ERBB4: variants seen among roughly 807,000 people sequenced by gnomAD.
ERBB4 encodes the protein erb-b2 receptor tyrosine kinase 4, also known as receptor tyrosine-protein kinase erbB-4.
ERBB4 carries 42 observed loss-of-function variants against 158.0 expected under a neutral mutation model. The observed-to-expected ratio is 0.27, with a 90% CI of 0.21 to 0.34. The LOEUF (loss-of-function observed/expected upper bound fraction) is 0.34. Ranked by LOEUF, ERBB4 falls within the 10% of genes least tolerant of loss-of-function variation. ERBB4 has a pLI of 1.00. For synonymous variants in ERBB4, 583 were observed against 558.7 expected, an observed-to-expected ratio of 1.04 and a Z score of -0.61; for missense variants, 1,333 against 1,624.1, an observed-to-expected ratio of 0.82 and a Z score of 3.08.
chr2:212,440,023 G>A (rs1052009506), intron 1 of ERBB4, among the ~76,000 whole-genome samples: 1 of 152,144 alleles, frequency 6.6e-6, no homozygotes, highest in African/African-American at 2.4e-5. Context: ...AAATCTGAAA[G>A]TTCAAAGGAG....
chr2:211,870,449 C>T (rs996534080), intron 3 of ERBB4, among the ~76,000 whole-genome samples: 1 of 151,924 alleles, frequency 6.6e-6, no homozygotes, highest in African/African-American at 2.4e-5. Context: ...TTGTTATGTC[C>T]TATTATTTTG....
At chr2:211,729,948 G>A (rs7426163) in intron 5 of ERBB4, among the ~76,000 whole-genome samples, 4 of 151,774 alleles carry the variant, frequency 2.6e-5, no homozygotes, top group African/African-American at 7.2e-5. Context: ...AAACTGGGAC[G>A]TTAAACTTCT....
intron 25 of ERBB4, among the ~76,000 whole-genome samples, chr2:211,413,311 C>CAAAAAAA (rs1553524050): frequency 1.6e-5 from 1 of 63,700 alleles, no homozygotes; most frequent in African/African-American, 5.3e-5. Context: ...GTCTTAAAAA[C>CAAAAAAA]ACACACACAC....
At chr2:211,592,331 G>C (rs1280730014) in intron 19 of ERBB4, among the ~76,000 whole-genome samples, 1 of 152,130 alleles carries the variant, frequency 6.6e-6, no homozygotes, top group Non-Finnish European at 1.5e-5. Flanking sequence ...GGCTGCCAGT[G>C]AAAGAGCCAA....
intron 2 of ERBB4, among the ~76,000 whole-genome samples, chr2:212,012,972 T>C (rs2076425346): frequency 1.3e-5 from 2 of 151,698 alleles, no homozygotes; most frequent in Non-Finnish European, 2.9e-5. Flanking sequence ...CTCCAAGCCC[T>C]GGGCTCAAGC....
intron 1 of ERBB4, among the ~76,000 whole-genome samples, chr2:212,516,122 C>G (rs1164718730): frequency 6.6e-6 from 1 of 151,730 alleles, no homozygotes; most frequent in Non-Finnish European, 1.5e-5. Context: ...GTAAGTAGTA[C>G]TATAGACACA....
At chr2:211,683,970 A>G (rs1345844648) in intron 12 of ERBB4, among the ~76,000 whole-genome samples, 1 of 151,380 alleles carries the variant, frequency 6.6e-6, no homozygotes, top group African/African-American at 2.4e-5. Flanking sequence ...TAATATGCTT[A>G]TTTTTCATTT....
chr2:212,425,858 A>G (rs1448781956), intron 1 of ERBB4, among the ~76,000 whole-genome samples: 1 of 151,974 alleles, frequency 6.6e-6, no homozygotes, highest in African/African-American at 2.4e-5. Flanking sequence ...AAGTTTTTGT[A>G]TTCCTCATTT....
chr2:211,421,407 G>C (rs1239865021), intron 24 of ERBB4, among the ~76,000 whole-genome samples: 1 of 151,630 alleles, frequency 6.6e-6, no homozygotes, highest in Non-Finnish European at 1.5e-5. Context: ...TAATCCTAGA[G>C]AAATATATTA....
intron 2 of ERBB4, among the ~76,000 whole-genome samples, chr2:212,037,495 G>A (rs1167830110): frequency 2.0e-5 from 3 of 152,180 alleles, no homozygotes; most frequent in Non-Finnish European, 4.4e-5. Flanking sequence ...CTTTATAAGT[G>A]TATCCCAAAG....
At chr2:212,170,707 T>A (rs2081489075) in intron 1 of ERBB4, among the ~76,000 whole-genome samples, 1 of 152,050 alleles carries the variant, frequency 6.6e-6, no homozygotes, top group Admixed American at 6.6e-5. Context: ...CATTGCTTGG[T>A]CATTGCCCGA....
At chr2:211,516,205 T>C (rs957396493) in intron 20 of ERBB4, among the ~76,000 whole-genome samples, 3 of 151,826 alleles carry the variant, frequency 2.0e-5, no homozygotes, top group Non-Finnish European at 2.9e-5. Flanking sequence ...CGTGAGCCAC[T>C]GCGCCCGGCC....
At chr2:211,850,021 T>C (rs2077680599) in intron 3 of ERBB4, among the ~76,000 whole-genome samples, 1 of 152,018 alleles carries the variant, frequency 6.6e-6, no homozygotes, top group Non-Finnish European at 1.5e-5. Flanking sequence ...CTGCCTGCAA[T>C]TATCACACTG....
chr2:211,476,698 G>A (rs746520567), intron 20 of ERBB4, among the ~76,000 whole-genome samples: 6 of 151,936 alleles, frequency 3.9e-5, no homozygotes, highest in African/African-American at 9.7e-5. Context: ...TAATGGAAGC[G>A]ATTTGTTAAA....
intron 2 of ERBB4, among the ~76,000 whole-genome samples, chr2:211,972,685 G>C (rs942083826): frequency 5.3e-5 from 8 of 152,172 alleles, no homozygotes; most frequent in Non-Finnish European, 1.0e-4. Flanking sequence ...ATGGTAGTGG[G>C]ATAACTGGCC....
chr2:211,881,133 T>C (rs1163288121), intron 3 of ERBB4, among the ~76,000 whole-genome samples: 1 of 151,746 alleles, frequency 6.6e-6, no homozygotes, highest in African/African-American at 2.4e-5. Flanking sequence ...TAAAAAGAAG[T>C]GAAACATGGC....
rs184214614 is a variant in ERBB4, at chr2:211,608,705, C to T, written c.2301+10472G>A. 4.6e-5 allele frequency among the ~76,000 whole-genome samples: 7 copies of T among 152,118 alleles called. No homozygotes were observed. The East Asian group carries it at 1.4e-3, about 29-fold the overall frequency. ...GAATGCTAGGCTGATCCTTTTTCAC[C>T]CTGGCTTTGGTGTGCAGTTGAGTTA... On this transcript the variant is annotated intron_variant, in intron 19 of 27. Coordinates refer to ENST00000342788, the MANE Select transcript of ERBB4 (RefSeq NM_005235.3).
chr2:211,662,520 A>C (rs953231979), intron 15 of ERBB4, among the ~76,000 whole-genome samples: 1 of 152,106 alleles, frequency 6.6e-6, no homozygotes, highest in Non-Finnish European at 1.5e-5. Context: ...TCATTTCTGA[A>C]TTTTCCTATC....
rs114212163 is a variant in ERBB4, at chr2:212,302,044, C to T, written c.83-177141G>A. On this transcript the variant is annotated intron_variant, in intron 1 of 27. Coordinates refer to ENST00000342788, the MANE Select transcript of ERBB4 (RefSeq NM_005235.3). ...TGCTTTTGATACACTCTCATTATAA[C>T]CATTAGCTAATGTGGGGTAGTTGGA... is the stretch of plus-strand genomic sequence containing the variant. Among the ~76,000 whole-genome samples, 658 of 151,396 alleles carry T rather than the reference C, an allele frequency of 4.3e-3. 8 individuals are homozygous for T. The highest frequency in any genetic ancestry group is 0.017 in the Middle Eastern group (5 of 294).
Sources: gnomAD v4.1 joint callset for allele counts (sites outside exome capture counted in the v4.1 genomes callset) on GRCh38, gnomAD v4.1.1 for gene constraint, MANE v1.5 for transcripts, NCBI Gene and HGNC (gene_info 2026-07-23, HGNC 2026-07-21) for gene names.